The following PDS5A variants were observed in gnomAD, a reference collection of about 807,000 sequenced individuals.
The protein encoded by PDS5A is sister chromatid cohesion protein PDS5 homolog A.
Under a neutral mutation model 167.1 loss-of-function variants are expected in PDS5A, and 42 were observed. The observed-to-expected ratio is 0.25, with a 90% confidence interval of 0.20 to 0.33. PDS5A has a LOEUF of 0.33. PDS5A is among the 10% of genes least tolerant of loss of function. The pLI, the probability that PDS5A is intolerant of heterozygous loss-of-function variation, is 1.00. For missense variants in PDS5A, 1,033 were observed against 1,605.9 expected, an observed-to-expected ratio of 0.64 and a Z score of 6.10; for synonymous variants, 553 against 554.6, an observed-to-expected ratio of 1.00 and a Z score of 0.04.
At chr4:39,853,880 G>A (rs1017630711) in intron 26 of PDS5A, among the ~76,000 whole-genome samples, 1 of 152,248 alleles carries the variant, frequency 6.6e-6, no homozygotes, top group Non-Finnish European at 1.5e-5. Context: ...ATCAGTGAGT[G>A]CTTTGTTGCT....
chr4:39,943,620 C>CAAAAAAA (rs67431661), intron 2 of PDS5A, among the ~76,000 whole-genome samples: 7 of 109,796 alleles, frequency 6.4e-5, no homozygotes, highest in Non-Finnish European at 1.1e-4. Flanking sequence ...CCCGTTTCTA[C>CAAAAAAA]AAAAAAAAAA....
chr4:39,842,116 A>G, intron 30 of PDS5A, 60 bp from the exon 31 acceptor site: 2 of 1,061,188 alleles, frequency 1.9e-6, no homozygotes, highest in Non-Finnish European at 2.9e-6. Flanking sequence ...TCACTCTCTC[A>G]CCGTACCAAT....
At chr4:39,873,265 T>C (rs1192617000) in intron 20 of PDS5A, 121 bp from the exon 21 acceptor site, 2 of 473,720 alleles carry the variant, frequency 4.2e-6, no homozygotes, top group African/African-American at 2.0e-5. Context: ...TCTTCTCTAA[T>C]ACGATCATAA....
At chr4:39,864,277 G>A (rs1719242252) in intron 23 of PDS5A, among the ~76,000 whole-genome samples, 1 of 152,018 alleles carries the variant, frequency 6.6e-6, no homozygotes, top group African/African-American at 2.4e-5. Context: ...CTGCTGAAAT[G>A]GCAGGGCTGC....
chr4:39,902,352 A>G lies in PDS5A; in HGVS notation c.1494T>C (p.Ala498=). The G allele has an allele frequency of 7.0e-7, 1 of 1,420,988 alleles. No homozygotes were observed. The highest frequency in any genetic ancestry group is 1.2e-5 in the South Asian group (1 of 80,714). 88.0% of individuals were successfully genotyped at this position (1,420,988 alleles called of 1,614,324 possible). The change falls in exon 13 of 33, where the codon GCT becomes GCC. Residue 498 remains alanine (A), a synonymous_variant. Coordinates refer to ENST00000303538, the MANE Select transcript of PDS5A (RefSeq NM_001100399.2). ...TTATTTGAAAAGTAACTTACTTTAC[A>G]GCATTTGGATCCAAACTAGCATATA... ...YYLYASLDPN[A]VKALNEMWKC...
intron 2 of PDS5A, among the ~76,000 whole-genome samples, chr4:39,954,680 A>T (rs1339402521): frequency 2.3e-4 from 34 of 150,980 alleles, no homozygotes; most frequent in Non-Finnish European, 4.4e-4. Flanking sequence ...TAAAAAAAAA[A>T]AAAAAAAAAA....
chr4:39,930,313 G>A (rs957037849), intron 2 of PDS5A, among the ~76,000 whole-genome samples: 3 of 136,214 alleles, frequency 2.2e-5, no homozygotes, highest in South Asian at 2.3e-4. Context: ...GGCTGGTCTC[G>A]AACTCCTGGG....
chr4:39,853,185 CTT>C (rs371293430), intron 26 of PDS5A, among the ~76,000 whole-genome samples: 18 of 152,318 alleles, frequency 1.2e-4, no homozygotes, highest in Non-Finnish European at 1.8e-4. Flanking sequence ...AAATAATCCT[CTT>C]GTCTTGGCCT....
intron 26 of PDS5A, among the ~76,000 whole-genome samples, chr4:39,853,783 G>T (rs1718311505): frequency 6.6e-6 from 1 of 152,072 alleles, no homozygotes; most frequent in African/African-American, 2.4e-5. Context: ...TTTTAAAAAA[G>T]ATTTGTCTAA....
chr4:39,907,641 C>T (rs1723507464), intron 11 of PDS5A, among the ~76,000 whole-genome samples: 1 of 150,202 alleles, frequency 6.7e-6, no homozygotes, highest in Admixed American at 6.7e-5. Context: ...GGCTGGAGTG[C>T]AGTGGTGCAA....
intron 7 of PDS5A, among the ~76,000 whole-genome samples, chr4:39,919,807 CTTTT>C (rs1158366269): frequency 2.6e-5 from 4 of 151,592 alleles, no homozygotes; most frequent in Admixed American, 1.3e-4. Flanking sequence ...CTCAGTAAAC[CTTTT>C]TTTAACTATT....
At chr4:39,829,374 G>C (rs974395949) in intron 32 of PDS5A, among the ~76,000 whole-genome samples, 1 of 152,176 alleles carries the variant, frequency 6.6e-6, no homozygotes, top group Non-Finnish European at 1.5e-5. Context: ...GCTGAGGCCG[G>C]GCATGGTGGC....
intron 16 of PDS5A, among the ~76,000 whole-genome samples, chr4:39,893,278 A>G (rs906752495): frequency 6.6e-6 from 1 of 152,146 alleles, no homozygotes; most frequent in African/African-American, 2.4e-5. Context: ...AAGTAAATCT[A>G]TATATCACAT....
intron 24 of PDS5A, 66 bp downstream of exon 24, chr4:39,863,270 T>A (rs1719151310): frequency 5.7e-6 from 7 of 1,238,082 alleles, no homozygotes; most frequent in Non-Finnish European, 7.9e-6. Flanking sequence ...TGGATTTGTA[T>A]CCATAGAAAA....
intron 15 of PDS5A, 95 bp downstream of exon 15, chr4:39,898,680 TTC>T: frequency 2.1e-6 from 2 of 950,274 alleles, no homozygotes; most frequent in Non-Finnish European, 3.1e-6. Flanking sequence ...AAAGATTATT[TTC>T]TTTTACTTAA....
chr4:39,969,802 C>T (rs1310035578), intron 2 of PDS5A, among the ~76,000 whole-genome samples: 1 of 151,842 alleles, frequency 6.6e-6, no homozygotes, highest in Non-Finnish European at 1.5e-5. Context: ...TTGTTCAGCA[C>T]CCAATTATGT....
At chr4:39,915,542 T>C (rs1578733913) in intron 8 of PDS5A, among the ~76,000 whole-genome samples, 2 of 152,046 alleles carry the variant, frequency 1.3e-5, no homozygotes, top group East Asian at 3.9e-4. Flanking sequence ...GTATTTTTTG[T>C]AGAGATGGGG....
intron 11 of PDS5A, among the ~76,000 whole-genome samples, chr4:39,904,554 G>C (rs1242731375): frequency 6.6e-6 from 1 of 152,076 alleles, no homozygotes; most frequent in African/African-American, 2.4e-5. Flanking sequence ...GGATGGTCTC[G>C]ATCTCCTGAC....
At chr4:39,872,889 GAA>G in intron 21 of PDS5A, 95 bp downstream of exon 21, 1 of 612,414 alleles carries the variant, frequency 1.6e-6, no homozygotes, top group South Asian at 5.8e-5. Context: ...TAATTTAAAA[GAA>G]AAAGAGAATT....
Sources: gnomAD v4.1 joint callset for allele counts (sites outside exome capture counted in the v4.1 genomes callset) on GRCh38, gnomAD v4.1.1 for gene constraint, MANE v1.5 for transcripts, NCBI Gene and HGNC (gene_info 2026-07-23, HGNC 2026-07-21) for gene names.